MECOM: variants seen among roughly 807,000 people sequenced by gnomAD.
MECOM encodes histone-lysine N-methyltransferase MECOM.
In MECOM, 13 loss-of-function variants were observed where a neutral mutation model predicts 116.3. The observed-to-expected ratio is 0.11, with a 90% CI of 0.07 to 0.18. The LOEUF (loss-of-function observed/expected upper bound fraction) is 0.18, where lower values mean the gene tolerates loss of function less well. Ranked by LOEUF, MECOM falls within the 10% of genes least tolerant of loss-of-function variation. The pLI, the probability that MECOM is intolerant of heterozygous loss-of-function variation, is 1.00. For missense variants in MECOM, 1,299 were observed against 1,509.0 expected, an observed-to-expected ratio of 0.86 and a Z score of 2.31; for synonymous variants, 528 against 535.2, an observed-to-expected ratio of 0.99 and a Z score of 0.19.
chr3:169,403,363 T>G (rs991303651), intron 1 of MECOM, among the ~76,000 whole-genome samples: 17 of 152,240 alleles, frequency 1.1e-4, no homozygotes, highest in African/African-American at 3.9e-4. Flanking sequence ...TTTAACATTA[T>G]TTATGATTAT....
intron 1 of MECOM, among the ~76,000 whole-genome samples, chr3:169,654,746 TAA>T (rs997458445): frequency 6.6e-6 from 1 of 151,980 alleles, no homozygotes; most frequent in Non-Finnish European, 1.5e-5. Flanking sequence ...AACATAGTTG[TAA>T]AAGACTATTT....
At chr3:169,489,587 C>T (rs1752833576) in intron 1 of MECOM, among the ~76,000 whole-genome samples, 1 of 152,098 alleles carries the variant, frequency 6.6e-6, no homozygotes, top group South Asian at 2.1e-4. Flanking sequence ...CAAACCTGCA[C>T]ATTTGTGGGA....
At chr3:169,557,876 A>G in intron 1 of MECOM, among the ~76,000 whole-genome samples, 1 of 152,358 alleles carries the variant, frequency 6.6e-6, no homozygotes, top group Middle Eastern at 3.4e-3. Flanking sequence ...TTTCTTACAT[A>G]AAAATATTAA....
rs1560340496 is a variant in MECOM at position 169,485,951 on chromosome 3, ATG to A, written c.38-104429_38-104428del. 4.9e-5 allele frequency among the ~76,000 whole-genome samples: 5 copies of A among 101,416 alleles called. 1 individual carries two copies. The East Asian group carries it at 1.1e-3, about 22-fold the overall frequency. The allele number at this position is 101,416 out of a possible 152,430, so 66.5% of individuals were successfully genotyped here. On this transcript the variant is annotated intron_variant, in intron 1 of 16. Transcript: ENST00000651503. ...ATATATAGTATATATGTATGTATAT[ATG>A]TACATATATACTATATATACATATA...
At chr3:169,631,945 A>G (rs1261413004) in intron 1 of MECOM, among the ~76,000 whole-genome samples, 1 of 152,050 alleles carries the variant, frequency 6.6e-6, no homozygotes, top group Non-Finnish European at 1.5e-5. Context: ...GCTCTTGTTG[A>G]TGTTATTTTG....
At chr3:169,536,818 G>T (rs1759424443) in intron 1 of MECOM, among the ~76,000 whole-genome samples, 1 of 152,124 alleles carries the variant, frequency 6.6e-6, no homozygotes. Context: ...GCACAAATTT[G>T]AGTGACTACC....
chr3:169,240,243 C>A (rs952385847), intron 2 of MECOM, among the ~76,000 whole-genome samples: 1 of 152,078 alleles, frequency 6.6e-6, no homozygotes, highest in African/African-American at 2.4e-5. Context: ...CTCAGTGGCC[C>A]CAGAGCAATT....
At chr3:169,331,582 A>G (rs538517633) in intron 2 of MECOM, among the ~76,000 whole-genome samples, 5 of 152,290 alleles carry the variant, frequency 3.3e-5, no homozygotes, top group South Asian at 4.1e-4. Context: ...TTATAGTTTC[A>G]TAAGTGTCAT....
At chr3:169,113,841 C>CT (rs959886174) in intron 8 of MECOM, among the ~76,000 whole-genome samples, 35 of 150,796 alleles carry the variant, frequency 2.3e-4, no homozygotes, top group East Asian at 9.7e-4. Flanking sequence ...CCATTTTATG[C>CT]TTTTTTTTTA....
chr3:169,518,245 T>C (rs532542068), intron 1 of MECOM, among the ~76,000 whole-genome samples: 143 of 148,324 alleles, frequency 9.6e-4, no homozygotes, highest in African/African-American at 3.3e-3. Flanking sequence ...GGCGACAGAG[T>C]GAGACTCCAT....
intron 1 of MECOM, among the ~76,000 whole-genome samples, chr3:169,491,596 T>G (rs1578252878): frequency 6.6e-6 from 1 of 152,192 alleles, no homozygotes; most frequent in Non-Finnish European, 1.5e-5. Context: ...CTCAGAACAA[T>G]GAAAACTTCC....
intron 2 of MECOM, among the ~76,000 whole-genome samples, chr3:169,203,398 G>A (rs1749465638): frequency 6.6e-6 from 1 of 151,900 alleles, no homozygotes. Flanking sequence ...GAGTAAACAT[G>A]GACATATCAC....
intron 16 of MECOM, among the ~76,000 whole-genome samples, chr3:169,085,277 T>C (rs1717302883): frequency 6.6e-6 from 1 of 152,186 alleles, no homozygotes; most frequent in Admixed American, 6.5e-5. Flanking sequence ...AGAACTATCC[T>C]ACCTAAAATG....
chr3:169,345,021 A>G (rs1289147460), intron 2 of MECOM, among the ~76,000 whole-genome samples: 2 of 152,162 alleles, frequency 1.3e-5, no homozygotes, highest in East Asian at 3.9e-4. Context: ...GCTGCACATT[A>G]TCACAGTATT....
intron 1 of MECOM, among the ~76,000 whole-genome samples, chr3:169,625,371 A>G (rs1329980871): frequency 1.3e-5 from 2 of 152,120 alleles, no homozygotes; most frequent in Non-Finnish European, 2.9e-5. Context: ...CTCATTCCTG[A>G]CAGGTTAAAG....
chr3:169,257,046 G>A lies in MECOM; in HGVS notation c.376-113214C>T, dbSNP rs995529335. 2.6e-5 allele frequency among the ~76,000 whole-genome samples: 4 copies of A among 152,308 alleles called. No individual in the cohort carries two copies. The East Asian group carries it at 7.7e-4, about 29-fold the overall frequency. On this transcript the variant is annotated intron_variant, in intron 2 of 16. Transcript: ENST00000651503. ...ATGATGGATGTAAGAAAAACAACTTGTAAGTGGTCCAAAAATGAGAATCCT... is the reference window on the plus strand; with the variant it reads ...ATGATGGATGTAAGAAAAACAACTTATAAGTGGTCCAAAAATGAGAATCCT...
At chr3:169,654,380 C>T (rs967483548) in intron 1 of MECOM, among the ~76,000 whole-genome samples, 1 of 152,182 alleles carries the variant, frequency 6.6e-6, no homozygotes, top group African/African-American at 2.4e-5. Flanking sequence ...TCAAATAAGA[C>T]GTTCATCCCT....
At chr3:169,382,659 A>C (rs1223619572) in intron 1 of MECOM, among the ~76,000 whole-genome samples, 1 of 151,898 alleles carries the variant, frequency 6.6e-6, no homozygotes, top group Non-Finnish European at 1.5e-5. Flanking sequence ...AATTACGAAG[A>C]AACAGACTTC....
intron 2 of MECOM, among the ~76,000 whole-genome samples, chr3:169,376,207 C>A (rs1731005338): frequency 2.6e-5 from 4 of 152,078 alleles, no homozygotes; most frequent in African/African-American, 9.7e-5. Context: ...TTATGATACA[C>A]CCACAGCCAA....
Sources: allele counts gnomAD v4.1 joint callset (sites outside exome capture counted in the v4.1 genomes callset), GRCh38; gene constraint gnomAD v4.1.1; transcripts MANE v1.5; gene names NCBI Gene and HGNC (gene_info 2026-07-23, HGNC 2026-07-21).